MUC5B: variants seen among roughly 807,000 people sequenced by gnomAD.
MUC5B encodes the protein mucin-5B.
In MUC5B, 116 loss-of-function variants were observed where a neutral mutation model predicts 376.9. The observed-to-expected ratio is 0.31, with a 90% confidence interval of 0.26 to 0.36. The LOEUF is 0.36. Ranked by LOEUF, MUC5B falls within the 10% of genes least tolerant of loss-of-function variation. The pLI is 1.00. For missense variants in MUC5B, 7,165 were observed against 7,769.9 expected (o/e 0.92, Z 2.93); for synonymous variants, 3,517 against 3,390.9 (o/e 1.04, Z -1.29).
In MUC5B at chr11:1,257,703, G is replaced by T; in HGVS notation, c.16443G>T (p.Thr5481=). ...PRAENPCCPE[T]VCVCNTTTCP... Reference sequence around the variant, plus strand: ...CCGAGAACCCCTGCTGCCCCGAGACGGTGTGCGGTAAGACGCTGCAGAGCA... The same window carrying T: ...CCGAGAACCCCTGCTGCCCCGAGACTGTGTGCGGTAAGACGCTGCAGAGCA... Residue 5481 remains threonine (T), a synonymous_variant, in exon 41 of 49, where the codon ACG becomes ACT. Coordinates refer to ENST00000529681, the MANE Select transcript of MUC5B (RefSeq NM_002458.3). This position sits in a 1 kb window ranked among gnomAD's most constrained non-coding sequence, Gnocchi z 8.9. The T allele has an allele frequency of 6.4e-7, 1 of 1,554,752 alleles. No individual in the cohort carries two copies. Among genetic ancestry groups the T allele is most frequent in the Non-Finnish European group, 8.6e-7 (1 of 1,157,374 alleles).
rs762981010 is a variant in MUC5B, at chr11:1,232,505, G to A, written c.1899G>A (p.Ser633=). The A allele has an allele frequency of 6.2e-6, 10 of 1,610,850 alleles. No homozygotes were observed. In the East Asian group the frequency reaches 6.7e-5, roughly 11 times the overall value. Residue 633 remains serine, a synonymous_variant, in exon 16 of 49, where the codon TCG becomes TCA. Transcript: ENST00000529681. ...TGACCGATCCCAACAGTGCCTTCTC[G>A]CGCTGCCACTCCATCATCAACCCCA... ...SRLTDPNSAF[S]RCHSIINPKP... is the part of the protein sequence containing the mutation.
In MUC5B at chr11:1,247,991, A is replaced by T; in HGVS notation, c.11111A>T (p.Glu3704Val). Residue 3704 changes from glutamate (E) to valine (V), a missense_variant, in exon 31 of 49, where the codon GAG becomes GTG. Glu to Val is a moderately radical substitution (Grantham distance 121). This residue lies in a region of MUC5B where 90 missense variants were observed against 71.1 expected (regional missense o/e 1.27). Coordinates refer to ENST00000529681, the MANE Select transcript of MUC5B (RefSeq NM_002458.3). Reference protein sequence around the residue: ...TKLTTTATTTESTGSTATPSS... With the variant: ...TKLTTTATTTVSTGSTATPSS... Reference sequence around the variant, plus strand: ...CTGACCACAACAGCCACTACGACTGAGTCCACTGGATCCACGGCCACCCCG... The same window carrying T: ...CTGACCACAACAGCCACTACGACTGTGTCCACTGGATCCACGGCCACCCCG... 6.2e-7 allele frequency: 1 copy of T among 1,600,780 alleles called. No homozygotes were observed. The highest frequency in any genetic ancestry group is 8.5e-7 in the Non-Finnish European group (1 of 1,171,344).
In MUC5B at chr11:1,253,014, G is replaced by C. The variant is rs749199674; in HGVS notation, c.15217+34G>C. 44 of 1,611,488 alleles carry C rather than the reference G, an allele frequency of 2.7e-5. No individual in the cohort carries two copies. Among genetic ancestry groups the C allele is most frequent in the Non-Finnish European group, 2.6e-5 (31 of 1,179,550 alleles). On this transcript the variant is annotated intron_variant, in intron 33 of 48. Coordinates refer to ENST00000529681, the MANE Select transcript of MUC5B (RefSeq NM_002458.3). This position sits in a 1 kb window ranked among gnomAD's most constrained non-coding sequence, Gnocchi z 4.3. ...GTCGGTGGCCGCGGGATTACCCCGG[G>C]GGCAGGTGGAGCAGAGTGCACCGTC...
rs754510075 is a variant in MUC5B at position 1,241,728 on chromosome 11, G to C, written c.4848G>C (p.Leu1616=). The change falls in exon 31 of 49, where the codon CTG becomes CTC. Residue 1616 remains leucine (L), a synonymous_variant. Transcript: ENST00000529681. ...RATTPPPTTE[L]ETATTTTTQA... Reference sequence around the variant, plus strand: ...CAACCCCGCCACCGACCACAGAGCTGGAGACGGCCACCACCACCACCACCC... The same window carrying C: ...CAACCCCGCCACCGACCACAGAGCTCGAGACGGCCACCACCACCACCACCC... The C allele has an allele frequency of 1.2e-6, 2 of 1,612,308 alleles. No homozygotes were observed. The highest frequency in any genetic ancestry group is 3.3e-5 in the Admixed American group (2 of 59,902).
Position 1,241,208 on chromosome 11 carries a change from A to T in MUC5B, c.4328A>T (p.Gln1443Leu). Residue 1443 changes from glutamine (Q) to leucine (L), a missense_variant, in exon 31 of 49, where the codon CAG (glutamine) becomes CTG (leucine). This residue lies in a region of MUC5B where 517 missense variants were observed against 545.3 expected (regional missense o/e 0.95). Coordinates refer to ENST00000529681, the MANE Select transcript of MUC5B (RefSeq NM_002458.3). Reference sequence around the variant, plus strand: ...TCCCCGGCCCCAGGCACCAGCCCTCAGCCCTCCCTCAGTGCCAGCACGGAG... The same window carrying T: ...TCCCCGGCCCCAGGCACCAGCCCTCTGCCCTCCCTCAGTGCCAGCACGGAG... The part of the protein sequence containing the change: ...GPSPAPGTSP[Q>L]PSLSASTEPA... 1 of 1,593,588 alleles carries T rather than the reference A, an allele frequency of 6.3e-7. No homozygotes were observed.
At position 1,250,787 on chromosome 11, in the gene MUC5B, C is replaced by T. The variant is rs541350007; in HGVS notation, c.13907C>T (p.Thr4636Met). 122 of 1,613,298 alleles carry T rather than the reference C, an allele frequency of 7.6e-5. 1 individual carries two copies. In the South Asian group the frequency reaches 1.1e-3, roughly 14 times the overall value. Residue 4636 changes from threonine (T) to methionine (M), a missense_variant, in exon 31 of 49, where the codon ACG becomes ATG. Thr to Met is a moderately conservative substitution (Grantham distance 81, BLOSUM62 -1). Coordinates refer to ENST00000529681, the MANE Select transcript of MUC5B (RefSeq NM_002458.3). ...ACCACACCCACAACCAGTGGCTCCACGGTGACCCCCTCCTCCATCCCGGGG... is the reference window on the plus strand; with the variant it reads ...ACCACACCCACAACCAGTGGCTCCATGGTGACCCCCTCCTCCATCCCGGGG... ...TTTTPTTSGS[T>M]VTPSSIPGTT... is the part of the protein sequence containing the mutation.
chr11:1,250,638 A>G lies in MUC5B; in HGVS notation c.13758A>G (p.Gly4586=), dbSNP rs1590187970. ...TGGCCACCCCCTCCTCCACCCCAGGAACAGCTCACACTACCAAAGTGCCGA... is the reference window on the plus strand; with the variant it reads ...TGGCCACCCCCTCCTCCACCCCAGGGACAGCTCACACTACCAAAGTGCCGA... ...GSVATPSSTP[G]TAHTTKVPTT... is the part of the protein sequence containing the mutation. Residue 4586 remains glycine (G), a synonymous_variant, in exon 31 of 49, where the codon GGA becomes GGG. Coordinates refer to ENST00000529681, the MANE Select transcript of MUC5B (RefSeq NM_002458.3). The G allele has an allele frequency of 6.2e-7, 1 of 1,610,760 alleles. No individual in the cohort carries two copies. Among genetic ancestry groups the G allele is most frequent in the East Asian group, 2.2e-5 (1 of 44,686 alleles).
chr11:1,225,644 C>G, intron 1 of MUC5B, 37 bp from the exon 2 acceptor site: 1 of 1,566,104 alleles, frequency 6.4e-7, no homozygotes, highest in Non-Finnish European at 8.7e-7. Flanking sequence ...GCAGCCACAT[C>G]TAGTTCCTCA....
chr11:1,236,876 G>T, intron 24 of MUC5B, 49 bp from the exon 25 acceptor site: 1 of 1,396,814 alleles, frequency 7.2e-7, no homozygotes. Context: ...CCTCCCACGG[G>T]TGCCTGTGGC....
chr11:1,254,779 T>C lies in MUC5B; in HGVS notation c.15563T>C (p.Val5188Ala). ...GTGCTGGGGACCACCACCATGCGTG[T>C]GGACATTCCTGCCCTGGGCGTGAGC... ...VSVLGTTTMRVDIPALGVSVT... is the reference protein window; with the variant it reads ...VSVLGTTTMRADIPALGVSVT... The change falls in exon 35 of 49, where the codon GTG becomes GCG. Residue 5188 changes from valine (V) to alanine (A), a missense_variant. By Grantham distance (64) the Val-to-Ala change is moderately conservative. Coordinates refer to ENST00000529681, the MANE Select transcript of MUC5B (RefSeq NM_002458.3). The C allele has an allele frequency of 6.2e-7, 1 of 1,612,846 alleles. No individual in the cohort carries two copies. The highest frequency in any genetic ancestry group is 8.5e-7 in the Non-Finnish European group (1 of 1,179,798).
intron 8 of MUC5B, 42 bp downstream of exon 8, chr11:1,228,807 G>A: frequency 8.5e-7 from 1 of 1,173,612 alleles, no homozygotes; most frequent in Non-Finnish European, 1.1e-6. Flanking sequence ...GTGCCAGAGA[G>A]AAGGGGCAGG....
chr11:1,247,894 C>T lies in MUC5B; in HGVS notation c.11014C>T (p.Pro3672Ser). 1 of 1,611,392 alleles carries T rather than the reference C, an allele frequency of 6.2e-7. No individual in the cohort carries two copies. Among genetic ancestry groups the T allele is most frequent in the South Asian group, 1.1e-5 (1 of 91,004 alleles). ...GTTCTGCTGCAACTACGGCCACTGCCCCAGCACCCCGGCCACCAGCTCTAC... is the reference window on the plus strand; with the variant it reads ...GTTCTGCTGCAACTACGGCCACTGCTCCAGCACCCCGGCCACCAGCTCTAC... The part of the protein sequence containing the change: ...RVFCCNYGHC[P>S]STPATSSTAT... The change falls in exon 31 of 49, where the codon CCC (proline) becomes TCC (serine). Residue 3672 changes from proline (P) to serine (S), a missense_variant. Physicochemically the swap from Pro to Ser is moderately conservative, Grantham distance 74. Coordinates refer to ENST00000529681, the MANE Select transcript of MUC5B (RefSeq NM_002458.3).
At position 1,239,902 on chromosome 11, in the gene MUC5B, C is replaced by A; in HGVS notation, c.3687C>A (p.Asp1229Glu). 6.2e-7 allele frequency: 1 copy of A among 1,613,324 alleles called. No individual in the cohort carries two copies. The highest frequency in any genetic ancestry group is 8.5e-7 in the Non-Finnish European group (1 of 1,179,734). ...ACGACAAGGACGGAAACTACTATGA[C>A]GTCGGTGCAAGGGTCCCCACAGCGG... ...GCYDKDGNYY[D>E]VGARVPTAEN... is the part of the protein sequence containing the mutation. The change falls in exon 28 of 49, where the codon GAC becomes GAA. Residue 1229 changes from aspartate to glutamate, a missense_variant. Asp to Glu is a conservative substitution (Grantham distance 45). Around this residue, in one of 31 missense-constraint regions of MUC5B, gnomAD observed 517 missense variants for 545.3 expected, o/e 0.95. Transcript: ENST00000529681.
intron 35 of MUC5B, 42 bp from the exon 36 acceptor site, chr11:1,254,999 G>T (rs984902017): frequency 2.6e-6 from 4 of 1,538,168 alleles, no homozygotes; most frequent in East Asian, 4.8e-5. Context: ...GCTGTGAAAG[G>T]CTCCCCAGAT....
At position 1,242,699 on chromosome 11, in the gene MUC5B, C is replaced by A; in HGVS notation, c.5819C>A (p.Thr1940Asn). The change falls in exon 31 of 49, where the codon ACC becomes AAC. Residue 1940 changes from threonine (T) to asparagine (N), a missense_variant. Coordinates refer to ENST00000529681, the MANE Select transcript of MUC5B (RefSeq NM_002458.3). ...ACAGCTCCCCCTCCCAAAGTGCTGA[C>A]CACCACGGCCACCACACCCACAGTC... ...LRTAPPPKVL[T>N]TTATTPTVTS... The A allele has an allele frequency of 6.2e-7, 1 of 1,613,746 alleles. No homozygotes were observed. Among genetic ancestry groups the A allele is most frequent in the Middle Eastern group, 1.7e-4 (1 of 6,060 alleles).
At chr11:1,240,640 C>A (rs1417864674) in intron 30 of MUC5B, among the ~76,000 whole-genome samples, 1 of 152,236 alleles carries the variant, frequency 6.6e-6, no homozygotes, top group Non-Finnish European at 1.5e-5. Flanking sequence ...ACGGCCTATC[C>A]CAGCCAGCCA....
rs770723632 is a variant in MUC5B, at chr11:1,241,837, C to T, written c.4957C>T (p.Leu1653Phe). Reference protein sequence around the residue: ...PPASTTAVPTLSEGLTSPRYT... With the variant: ...PPASTTAVPTFSEGLTSPRYT... ...GGCCAGCACCACAGCAGTCCCCACC[C>T]TCTCAGAAGGACTGACATCCCCCAG... is the stretch of plus-strand genomic sequence containing the variant. The change falls in exon 31 of 49, where the codon CTC becomes TTC. Residue 1653 changes from leucine (L) to phenylalanine (F), a missense_variant. This residue lies in a region of MUC5B where 897 missense variants were observed against 779.6 expected (regional missense o/e 1.15). Coordinates refer to ENST00000529681, the MANE Select transcript of MUC5B (RefSeq NM_002458.3). 1.9e-6 allele frequency: 3 copies of T among 1,613,410 alleles called. No homozygotes were observed. The highest frequency in any genetic ancestry group is 2.5e-6 in the Non-Finnish European group (3 of 1,179,744).
At chr11:1,251,775 T>A in intron 31 of MUC5B, 32 bp downstream of exon 31, 1 of 1,444,652 alleles carries the variant, frequency 6.9e-7, no homozygotes. Flanking sequence ...TGCTGTACCC[T>A]TTCCCCACAT....
intron 11 of MUC5B, 115 bp downstream of exon 11, chr11:1,230,258 G>T (rs1333145041): frequency 3.5e-6 from 5 of 1,415,498 alleles, no homozygotes; most frequent in Middle Eastern, 1.8e-4. Context: ...CCCTGCTGAG[G>T]GGGGAGCCCT....
Sources: gnomAD v4.1 joint callset for allele counts (sites outside exome capture counted in the v4.1 genomes callset) on GRCh38, gnomAD v4.1.1 for gene constraint, gnomAD v4.1.1 regional missense constraint, Gnocchi (gnomAD v3.1) non-coding constraint, MANE v1.5 for transcripts, NCBI Gene and HGNC (gene_info 2026-07-23, HGNC 2026-07-21) for gene names.